Variants in ARHGEF4 observed in about 807,000 individuals in gnomAD.
ARHGEF4 encodes APC-stimulated guanine nucleotide exchange factor 1.
In ARHGEF4, 119 loss-of-function variants were observed where a neutral mutation model predicts 162.0. The observed-to-expected ratio is 0.73, with a 90% CI of 0.63 to 0.86. ARHGEF4 has a LOEUF of 0.86. Among genes scored for constraint, ARHGEF4 ranks in the 40% least tolerant of loss-of-function variants. The pLI is 0.00. For missense variants in ARHGEF4, 2,488 were observed against 2,456.0 expected (o/e 1.01, Z -0.28); for synonymous variants, 1,014 against 979.9 (o/e 1.03, Z -0.65).
intron 1 of ARHGEF4, among the ~76,000 whole-genome samples, chr2:130,864,976 C>T (rs940943394): frequency 6.6e-6 from 1 of 152,182 alleles, no homozygotes; most frequent in Non-Finnish European, 1.5e-5. Flanking sequence ...GGAGCAGAGC[C>T]AGCCAACCAG....
rs1212186728 is a variant in ARHGEF4, at chr2:130,916,206, G to GC, written c.2265dup (p.Glu756ArgfsTer54). On this transcript the variant is annotated frameshift_variant, in exon 2 of 14. Coordinates refer to ENST00000409359, the MANE Select transcript of ARHGEF4 (RefSeq NM_001367493.1). LOFTEE classifies it high-confidence loss of function. ...GTCAGGGGAGCGTGGCCCGGAGGAG[G>GC]CCCCCGAAGGCGGTGCTGCAGCAGC... 1.5e-5 allele frequency: 23 copies of GC among 1,546,578 alleles called. No homozygotes were observed. The highest frequency in any genetic ancestry group is 2.0e-5 in the Non-Finnish European group (23 of 1,146,108).
chr2:130,878,482 T>A (rs1679001254), intron 1 of ARHGEF4, among the ~76,000 whole-genome samples: 2 of 152,178 alleles, frequency 1.3e-5, no homozygotes, highest in Admixed American at 1.3e-4. Flanking sequence ...GTGGATGCTG[T>A]GTGAGCAGTG....
chr2:131,037,235 A>T (rs746163), intron 5 of ARHGEF4, among the ~76,000 whole-genome samples: 27,100 of 151,868 alleles, frequency 0.18, 3,729 homozygotes, highest in African/African-American at 0.38. Context: ...AGCAGGTTTT[A>T]CCCCCAGGAA....
At chr2:130,937,592 G>A (rs944925055) in intron 3 of ARHGEF4, among the ~76,000 whole-genome samples, 5 of 151,622 alleles carry the variant, frequency 3.3e-5, no homozygotes, top group African/African-American at 1.2e-4. Context: ...AAGACCCTGT[G>A]CTTTCTCAGG....
In ARHGEF4 at chr2:130,916,265, G is replaced by A; in HGVS notation, c.2319G>A (p.Glu773=). The A allele has an allele frequency of 1.3e-6, 2 of 1,524,214 alleles. No individual in the cohort carries two copies. Among genetic ancestry groups the A allele is most frequent in the Non-Finnish European group, 1.8e-6 (2 of 1,138,596 alleles). 94.4% of individuals were successfully genotyped at this position (1,524,214 alleles called of 1,614,324 possible). The change falls in exon 2 of 14, where the codon GAG becomes GAA. Residue 773 remains glutamate (E), a synonymous_variant. Transcript: ENST00000409359. ...AGCGCCCCCGCGTCCCCGCCTTGGA[G>A]CCGCCCCAGCCGCCACGCGGGCTCC... ...RGQRPRVPAL[E]PPQPPRGLRK...
rs577483584 is a variant in ARHGEF4, at chr2:130,882,046, C to A, written c.40-31940C>A. ...ACATTGAGAATGGCCGGACAGGAAG[C>A]GAGCCTGGGCACTGACAGCCTCAAG... On this transcript the variant is annotated intron_variant, in intron 1 of 13. Transcript: ENST00000409359. Among the ~76,000 whole-genome samples the A allele has an allele frequency of 5.9e-4, 90 of 152,168 alleles. 4 individuals carry two copies. Among genetic ancestry groups the A allele is most frequent in the African/African-American group, 2.1e-3 (88 of 41,432 alleles).
At chr2:130,852,923 C>T (rs1444434596) in intron 1 of ARHGEF4, among the ~76,000 whole-genome samples, 1 of 152,202 alleles carries the variant, frequency 6.6e-6, no homozygotes, top group East Asian at 1.9e-4. Flanking sequence ...TCAGCAGCAG[C>T]CGGCTGCCCC....
chr2:130,877,774 C>CT (rs1292229908), intron 1 of ARHGEF4, among the ~76,000 whole-genome samples: 1 of 152,166 alleles, frequency 6.6e-6, no homozygotes, highest in Non-Finnish European at 1.5e-5. Context: ...CTCCCTTATT[C>CT]TTTTTTGTTT....
chr2:130,851,594 G>C (rs905493063), intron 1 of ARHGEF4, among the ~76,000 whole-genome samples: 1 of 152,218 alleles, frequency 6.6e-6, no homozygotes, highest in Non-Finnish European at 1.5e-5. Context: ...GACGGGCTGG[G>C]GGGGCTCCAG....
Position 130,907,277 on chromosome 2 carries a change from C to T in ARHGEF4, c.40-6709C>T, listed in dbSNP as rs1033609599. On this transcript the variant is annotated intron_variant, in intron 1 of 13. Transcript: ENST00000409359. ...GACTGGAGGCTGGAGTGCAGTGGCA[C>T]GATCTGGGCTCACTGCAAGCTCCGC... Among the ~76,000 whole-genome samples, 8 of 123,714 alleles carry T rather than the reference C, an allele frequency of 6.5e-5. No individual in the cohort carries two copies. The South Asian group carries it at 1.4e-3, about 22-fold the overall frequency. 81.2% of individuals were successfully genotyped at this position (123,714 alleles called of 152,430 possible).
intron 4 of ARHGEF4, among the ~76,000 whole-genome samples, chr2:130,999,850 A>C (rs1291317203): frequency 1.3e-5 from 2 of 152,048 alleles, no homozygotes; most frequent in Admixed American, 6.5e-5. Context: ...CCACAGGTGC[A>C]CACCACCACA....
chr2:130,866,380 G>A (rs528768420), intron 1 of ARHGEF4, among the ~76,000 whole-genome samples: 123 of 152,174 alleles, frequency 8.1e-4, no homozygotes, highest in African/African-American at 2.8e-3. Flanking sequence ...GCGAAACTCC[G>A]TCTGGAAAAA....
chr2:130,913,914 C>A, intron 1 of ARHGEF4, 72 bp from the exon 2 acceptor site: 2 of 1,501,634 alleles, frequency 1.3e-6, no homozygotes, highest in Admixed American at 4.0e-5. Flanking sequence ...CTGGCAAAGG[C>A]AGGCACGGTG....
intron 11 of ARHGEF4, 124 bp from the exon 12 acceptor site, chr2:131,044,175 G>T: frequency 7.1e-7 from 1 of 1,403,488 alleles, no homozygotes; most frequent in African/African-American, 1.4e-5. Flanking sequence ...GGATCTCACT[G>T]TCTGCTGGGG....
intron 1 of ARHGEF4, among the ~76,000 whole-genome samples, chr2:130,879,895 C>T (rs1036697088): frequency 2.6e-5 from 4 of 152,216 alleles, no homozygotes; most frequent in Non-Finnish European, 5.9e-5. Context: ...TCTCCTGCCT[C>T]AGCCTCCTGA....
chr2:131,045,262 C>A, intron 12 of ARHGEF4, 107 bp from the exon 13 acceptor site: 1 of 1,071,010 alleles, frequency 9.3e-7, no homozygotes, highest in South Asian at 1.5e-5. Flanking sequence ...AGTACTGAGT[C>A]CCCAGTACAT....
intron 1 of ARHGEF4, among the ~76,000 whole-genome samples, chr2:130,902,915 G>GTTCTTAA (rs56885931): frequency 1.3e-5 from 2 of 151,396 alleles, no homozygotes; most frequent in African/African-American, 4.8e-5. Flanking sequence ...AGCCCCACAG[G>GTTCTTAA]GGCTCTGTTT....
At chr2:130,906,536 A>G (rs1018190347) in intron 1 of ARHGEF4, among the ~76,000 whole-genome samples, 3 of 152,184 alleles carry the variant, frequency 2.0e-5, no homozygotes, top group African/African-American at 7.2e-5. Flanking sequence ...TTTTGTTTGT[A>G]ACTTCTTTTT....
chr2:130,850,123 G>C (rs530687843), intron 1 of ARHGEF4, among the ~76,000 whole-genome samples: 1 of 152,110 alleles, frequency 6.6e-6, no homozygotes, highest in Non-Finnish European at 1.5e-5. Context: ...GGCCCCATGG[G>C]GGTTCTCAAA....
Sources: gnomAD v4.1 joint callset for allele counts (sites outside exome capture counted in the v4.1 genomes callset) on GRCh38, gnomAD v4.1.1 for gene constraint, MANE v1.5 for transcripts, NCBI Gene and HGNC (gene_info 2026-07-23, HGNC 2026-07-21) for gene names.